Variants in GLRB observed in about 807,000 individuals in gnomAD.
GLRB encodes the protein glycine receptor subunit beta.
Under a neutral mutation model 54.2 loss-of-function variants are expected in GLRB, and 33 were observed. The ratio of observed to expected loss-of-function variants is 0.61; its 90% CI spans 0.46 to 0.81. The LOEUF is 0.81. GLRB is among the 40% of genes least tolerant of loss of function. The probability of loss-of-function intolerance (pLI) is 0.00; values close to 1 mark genes in which losing one functional copy is unlikely to be tolerated. For missense variants in GLRB, 572 were observed against 584.6 expected (o/e 0.98, Z 0.22); for synonymous variants, 209 against 208.2 (o/e 1.00, Z -0.03).
At chr4:157,136,214 A>G (rs1293439764) in intron 4 of GLRB, among the ~76,000 whole-genome samples, 1 of 152,160 alleles carries the variant, frequency 6.6e-6, no homozygotes, top group Non-Finnish European at 1.5e-5. Flanking sequence ...GGAACTATCA[A>G]CAAGGTTATA....
At chr4:157,118,154 A>G (rs1284105269) in intron 2 of GLRB, among the ~76,000 whole-genome samples, 1 of 151,660 alleles carries the variant, frequency 6.6e-6, no homozygotes, top group East Asian at 1.9e-4. Context: ...GGAAAGTTCT[A>G]AACTACAAAA....
chr4:157,156,787 A>G (rs1560974299), intron 9 of GLRB, among the ~76,000 whole-genome samples: 3 of 152,158 alleles, frequency 2.0e-5, no homozygotes, highest in Non-Finnish European at 4.4e-5. Context: ...TTGTTGTTGC[A>G]CAGTTTGAAA....
At chr4:157,150,604 A>G (rs945626257) in intron 8 of GLRB, among the ~76,000 whole-genome samples, 1 of 152,002 alleles carries the variant, frequency 6.6e-6, no homozygotes, top group Non-Finnish European at 1.5e-5. Context: ...GTTCTTTCAG[A>G]TTCTCAGGTG....
intron 2 of GLRB, among the ~76,000 whole-genome samples, chr4:157,098,806 C>T (rs1360148615): frequency 6.6e-6 from 1 of 151,976 alleles, no homozygotes; most frequent in Non-Finnish European, 1.5e-5. Flanking sequence ...CGGGGTTTCA[C>T]CATGTTGGCC....
intron 9 of GLRB, among the ~76,000 whole-genome samples, chr4:157,163,032 A>G (rs1737570321): frequency 6.6e-6 from 1 of 152,146 alleles, no homozygotes; most frequent in East Asian, 1.9e-4. Context: ...AGCTTCAGCA[A>G]TGGCGGACAC....
At chr4:157,139,177 T>C (rs991527903) in intron 7 of GLRB, among the ~76,000 whole-genome samples, 2 of 152,180 alleles carry the variant, frequency 1.3e-5, no homozygotes, top group African/African-American at 4.8e-5. Context: ...TATGTAATTC[T>C]TGTGGTGAGA....
At chr4:157,138,785 A>T (rs887675552) in intron 6 of GLRB, 24 bp from the exon 7 acceptor site, 2 of 1,193,480 alleles carry the variant, frequency 1.7e-6, no homozygotes, top group Non-Finnish European at 2.5e-6. Flanking sequence ...TTTTAAACTA[A>T]CATTTATTTG....
intron 2 of GLRB, among the ~76,000 whole-genome samples, chr4:157,108,270 A>G (rs2126500085): frequency 6.6e-6 from 1 of 152,254 alleles, no homozygotes; most frequent in East Asian, 1.9e-4. Context: ...AAATACATTT[A>G]CTAAGGCTAT....
chr4:157,095,883 G>A (rs953029661), intron 2 of GLRB, among the ~76,000 whole-genome samples: 2 of 152,108 alleles, frequency 1.3e-5, no homozygotes, highest in African/African-American at 4.8e-5. Flanking sequence ...TGCCTCAGAT[G>A]TGGTCACACA....
chr4:157,113,136 T>C (rs967596466), intron 2 of GLRB, among the ~76,000 whole-genome samples: 1 of 151,942 alleles, frequency 6.6e-6, no homozygotes, highest in African/African-American at 2.4e-5. Flanking sequence ...TGTATATGTG[T>C]GTGTGTGTAA....
chr4:157,114,647 C>A (rs1324020064), intron 2 of GLRB, among the ~76,000 whole-genome samples: 1 of 151,660 alleles, frequency 6.6e-6, no homozygotes, highest in Non-Finnish European at 1.5e-5. Context: ...CTTCTCTTGG[C>A]CGTGACAGTC....
chr4:157,145,366 ACT>A (rs766476970), intron 8 of GLRB, among the ~76,000 whole-genome samples: 11 of 152,178 alleles, frequency 7.2e-5, no homozygotes, highest in Non-Finnish European at 1.2e-4. Flanking sequence ...TTTAAAAATA[ACT>A]CTGCTGAAAT....
chr4:157,155,356 C>G (rs1013794172), intron 9 of GLRB, among the ~76,000 whole-genome samples: 6 of 152,120 alleles, frequency 3.9e-5, no homozygotes, highest in Admixed American at 1.3e-4. Context: ...GTCTCAAATT[C>G]CTGGCCTCAA....
At chr4:157,123,099 G>T (rs571344683) in intron 4 of GLRB, among the ~76,000 whole-genome samples, 1 of 151,702 alleles carries the variant, frequency 6.6e-6, no homozygotes, top group Non-Finnish European at 1.5e-5. Flanking sequence ...AAAGCCATTC[G>T]ATAAAGTCTA....
At chr4:157,102,213 A>C (rs1735056662) in intron 2 of GLRB, among the ~76,000 whole-genome samples, 2 of 152,208 alleles carry the variant, frequency 1.3e-5, no homozygotes, top group African/African-American at 4.8e-5. Context: ...AAGAACACTT[A>C]ATATGAGTTC....
At chr4:157,104,188 T>G (rs575847244) in intron 2 of GLRB, among the ~76,000 whole-genome samples, 243 of 152,314 alleles carry the variant, frequency 1.6e-3, no homozygotes, top group Middle Eastern at 6.8e-3. Flanking sequence ...CTCTGTGAGC[T>G]TTTCATATAG....
intron 9 of GLRB, among the ~76,000 whole-genome samples, chr4:157,157,928 A>G (rs1397337837): frequency 6.6e-6 from 1 of 152,204 alleles, no homozygotes; most frequent in African/African-American, 2.4e-5. Flanking sequence ...GTCTTCTACA[A>G]TGGTTGAAAT....
intron 2 of GLRB, among the ~76,000 whole-genome samples, chr4:157,108,379 G>T (rs567165607): frequency 6.6e-6 from 1 of 152,044 alleles, no homozygotes; most frequent in African/African-American, 2.4e-5. Flanking sequence ...AAGAACATTT[G>T]TTATTTATGA....
intron 2 of GLRB, among the ~76,000 whole-genome samples, chr4:157,119,825 C>T (rs192465516): frequency 2.5e-3 from 383 of 151,742 alleles, no homozygotes; most frequent in Non-Finnish European, 4.6e-3. Flanking sequence ...GTCAGTGTGG[C>T]GATTCCTCAG....
Sources: gnomAD v4.1 joint callset for allele counts (sites outside exome capture counted in the v4.1 genomes callset) on GRCh38, gnomAD v4.1.1 for gene constraint, MANE v1.5 for transcripts, NCBI Gene and HGNC (gene_info 2026-07-23, HGNC 2026-07-21) for gene names.